The following JMJD1C variants were observed in gnomAD, a reference collection of about 807,000 sequenced individuals.
The protein encoded by JMJD1C is jumonji domain-containing protein 1C.
JMJD1C carries 31 observed loss-of-function variants against 245.3 expected under a neutral mutation model. The ratio of observed to expected loss-of-function variants is 0.13; its 90% CI spans 0.09 to 0.17. The LOEUF (loss-of-function observed/expected upper bound fraction) is 0.17. JMJD1C is among the 10% of genes least tolerant of loss of function. The pLI is 1.00. For synonymous variants in JMJD1C, 1,057 were observed against 1,017.4 expected (o/e 1.04, Z -0.74); for missense variants, 2,691 against 3,000.2 (o/e 0.90, Z 2.41).
chr10:63,404,624 A>G (rs1010077821), intron 1 of JMJD1C, among the ~76,000 whole-genome samples: 1 of 152,194 alleles, frequency 6.6e-6, no homozygotes, highest in African/African-American at 2.4e-5. Flanking sequence ...GAAAAATGAA[A>G]TTTATGATTG....
intron 1 of JMJD1C, among the ~76,000 whole-genome samples, chr10:63,512,976 C>T (rs1014289925): frequency 6.6e-6 from 1 of 152,030 alleles, no homozygotes; most frequent in East Asian, 1.9e-4. Context: ...ACTAATGAGC[C>T]TATCAATGAA....
intron 3 of JMJD1C, among the ~76,000 whole-genome samples, chr10:63,245,721 G>A (rs1333415172): frequency 1.3e-5 from 2 of 152,134 alleles, no homozygotes; most frequent in Admixed American, 1.3e-4. Context: ...GACCTCAGGT[G>A]ATCCTCCTGC....
chr10:63,490,794 G>C (rs1248552354), intron 1 of JMJD1C, among the ~76,000 whole-genome samples: 1 of 152,056 alleles, frequency 6.6e-6, no homozygotes, highest in African/African-American at 2.4e-5. Flanking sequence ...ACTCAAGAAG[G>C]GCAGGAACTT....
At chr10:63,223,721 A>T (rs1341778579) in intron 3 of JMJD1C, among the ~76,000 whole-genome samples, 1 of 151,994 alleles carries the variant, frequency 6.6e-6, no homozygotes, top group Non-Finnish European at 1.5e-5. Flanking sequence ...AGGATATATA[A>T]TCTATTTCTT....
intron 3 of JMJD1C, chr10:63,222,658 T>A: frequency 6.5e-7 from 1 of 1,538,512 alleles, no homozygotes; most frequent in Non-Finnish European, 9.0e-7. Context: ...GAGATCGGTG[T>A]GTAGAGGGAG....
At chr10:63,173,954 A>C (rs1842637714) in intron 24 of JMJD1C, among the ~76,000 whole-genome samples, 1 of 152,226 alleles carries the variant, frequency 6.6e-6, no homozygotes, top group African/African-American at 2.4e-5. Flanking sequence ...CCCAATGTTT[A>C]GTCATTAAGA....
chr10:63,456,488 C>A (rs1469741745), intron 1 of JMJD1C, among the ~76,000 whole-genome samples: 1 of 152,064 alleles, frequency 6.6e-6, no homozygotes, highest in Non-Finnish European at 1.5e-5. Context: ...TTTAACCAAA[C>A]ATTAACATAC....
At chr10:63,326,983 T>C (rs1025409312) in intron 2 of JMJD1C, among the ~76,000 whole-genome samples, 3 of 151,740 alleles carry the variant, frequency 2.0e-5, no homozygotes, top group African/African-American at 7.3e-5. Context: ...GTCCAGGAGA[T>C]TGAGATTAGC....
At chr10:63,312,294 G>A (rs1309569274) in intron 2 of JMJD1C, among the ~76,000 whole-genome samples, 1 of 151,948 alleles carries the variant, frequency 6.6e-6, no homozygotes, top group African/African-American at 2.4e-5. Flanking sequence ...TTTTAGTAGA[G>A]ACAGGGTTTC....
At chr10:63,457,070 ACTG>A (rs1564939849) in intron 1 of JMJD1C, among the ~76,000 whole-genome samples, 1 of 152,186 alleles carries the variant, frequency 6.6e-6, no homozygotes, top group Non-Finnish European at 1.5e-5. Flanking sequence ...CTTATGAAAA[ACTG>A]CTCTTGTGTT....
At chr10:63,500,109 C>G (rs1213576561) in intron 1 of JMJD1C, among the ~76,000 whole-genome samples, 1 of 152,152 alleles carries the variant, frequency 6.6e-6, no homozygotes, top group African/African-American at 2.4e-5. Flanking sequence ...TTATTTAGAA[C>G]AGTCCATAAT....
chr10:63,490,714 T>G (rs1045829091), intron 1 of JMJD1C, among the ~76,000 whole-genome samples: 1 of 152,168 alleles, frequency 6.6e-6, no homozygotes, highest in African/African-American at 2.4e-5. Flanking sequence ...GCACCCAGCC[T>G]AATTATTTAT....
At chr10:63,367,968 A>T (rs141919940) in intron 2 of JMJD1C, among the ~76,000 whole-genome samples, 94 of 152,376 alleles carry the variant, frequency 6.2e-4, no homozygotes, top group African/African-American at 2.1e-3. Context: ...CTACTTAAAC[A>T]GAATACATAT....
At chr10:63,172,201 T>A (rs1477258760) in intron 24 of JMJD1C, among the ~76,000 whole-genome samples, 1 of 152,258 alleles carries the variant, frequency 6.6e-6, no homozygotes, top group African/African-American at 2.4e-5. Context: ...TGTATTTAGA[T>A]ATAACATTTT....
chr10:63,427,489 T>G (rs927147862), intron 1 of JMJD1C: 39 of 1,272,172 alleles, frequency 3.1e-5, no homozygotes, highest in Non-Finnish European at 4.0e-5. Context: ...GATGTCCCAC[T>G]GGGCCAAGCA....
intron 2 of JMJD1C, among the ~76,000 whole-genome samples, chr10:63,317,936 C>A (rs1416178788): frequency 6.6e-6 from 1 of 152,146 alleles, no homozygotes; most frequent in African/African-American, 2.4e-5. Context: ...CTCCAACCTC[C>A]AAGGCTCAAG....
chr10:63,492,036 TTTCTTTC>T (rs1209462265), intron 1 of JMJD1C, among the ~76,000 whole-genome samples: 1 of 152,190 alleles, frequency 6.6e-6, no homozygotes, highest in Non-Finnish European at 1.5e-5. Context: ...ATTATAACTT[TTTCTTTC>T]TTCTTTCTCT....
chr10:63,430,857 C>A (rs1950703714), intron 1 of JMJD1C, among the ~76,000 whole-genome samples: 2 of 152,154 alleles, frequency 1.3e-5, no homozygotes, highest in South Asian at 4.1e-4. Flanking sequence ...GATCCTCGCA[C>A]CTCAGCTTCC....
intron 3 of JMJD1C, among the ~76,000 whole-genome samples, chr10:63,224,200 G>A (rs1172254060): frequency 6.6e-6 from 1 of 152,116 alleles, no homozygotes; most frequent in Admixed American, 6.5e-5. Flanking sequence ...TACTGATAAT[G>A]ACTTTATGTA....
Sources: allele counts gnomAD v4.1 joint callset (sites outside exome capture counted in the v4.1 genomes callset), GRCh38; gene constraint gnomAD v4.1.1; transcripts MANE v1.5; gene names NCBI Gene and HGNC (gene_info 2026-07-23, HGNC 2026-07-21).